Variants in SERINC5 observed in about 807,000 individuals in gnomAD.
SERINC5 encodes chromosome 5 open reading frame 12.
Under a neutral mutation model 63.1 loss-of-function variants are expected in SERINC5, and 41 were observed. The ratio of observed to expected loss-of-function variants is 0.65; its 90% CI spans 0.51 to 0.84. The LOEUF is 0.84. SERINC5 is among the 40% of genes least tolerant of loss of function. The pLI, the probability that SERINC5 is intolerant of heterozygous loss-of-function variation, is 0.00. For missense variants in SERINC5, 523 were observed against 573.0 expected (o/e 0.91, Z 0.89); for synonymous variants, 222 against 215.2 (o/e 1.03, Z -0.28).
At chr5:80,120,929 C>A (rs1358879288) in intron 11 of SERINC5, among the ~76,000 whole-genome samples, 1 of 151,958 alleles carries the variant, frequency 6.6e-6, no homozygotes, top group Non-Finnish European at 1.5e-5. Flanking sequence ...CTCTTGTTGT[C>A]CAGGCTGGAG....
At chr5:80,134,764 C>A (rs1485526657), downstream of SERINC5, among the ~76,000 whole-genome samples, 1 of 152,210 alleles carries the variant, frequency 6.6e-6, no homozygotes, top group African/African-American at 2.4e-5. Flanking sequence ...AATTGCTTCT[C>A]AAACCCTCAT....
At chr5:80,190,003 C>CACTCAA (rs1182291659) in intron 2 of SERINC5, among the ~76,000 whole-genome samples, 1 of 152,068 alleles carries the variant, frequency 6.6e-6, no homozygotes, top group African/African-American at 2.4e-5. Flanking sequence ...GGAGCCACCT[C>CACTCAA]ACTCAGCCAA....
At chr5:80,134,547 T>C (rs573044708), downstream of SERINC5, among the ~76,000 whole-genome samples, 56 of 152,302 alleles carry the variant, frequency 3.7e-4, no homozygotes, top group African/African-American at 1.3e-3. Flanking sequence ...GTAAGTTAAG[T>C]TCCTTCCAAA....
At chr5:80,170,985 G>A (rs993732032) in intron 5 of SERINC5, among the ~76,000 whole-genome samples, 1 of 152,136 alleles carries the variant, frequency 6.6e-6, no homozygotes, top group African/African-American at 2.4e-5. Flanking sequence ...TCCAGTTTGG[G>A]CAAGAGTAAG....
At position 80,202,978 on chromosome 5, in the gene SERINC5, T is replaced by C. The variant is rs750585834; in HGVS notation, c.103A>G (p.Thr35Ala). 4 of 1,613,396 alleles carry C rather than the reference T, an allele frequency of 2.5e-6. No homozygotes were observed. In the Admixed American group the frequency reaches 6.7e-5, roughly 27 times the overall value. The change falls in exon 2 of 12, where the codon ACC (threonine) becomes GCC (alanine). Residue 35 changes from threonine (T) to alanine (A), a missense_variant. Thr to Ala is a moderately conservative substitution (Grantham distance 58, BLOSUM62 0). Transcript: ENST00000507668. ...AAGTAGAGGGCGTACATGAAGCGGGTGCTGAGGGACTGCCGAATCCTGGGG... is the reference window on the plus strand; with the variant it reads ...AAGTAGAGGGCGTACATGAAGCGGGCGCTGAGGGACTGCCGAATCCTGGGG... The part of the protein sequence containing the change: ...CCPRIRQSLS[T>A]RFMYALYFIL...
chr5:80,253,184 TA>T (rs1333636571), intron 1 of SERINC5, among the ~76,000 whole-genome samples: 1 of 152,174 alleles, frequency 6.6e-6, no homozygotes, highest in Non-Finnish European at 1.5e-5. Flanking sequence ...CTCTGAAATA[TA>T]CCCAAAGCCA....
chr5:80,220,985 AGTG>A (rs1476201046), intron 1 of SERINC5, among the ~76,000 whole-genome samples: 1 of 152,022 alleles, frequency 6.6e-6, no homozygotes, highest in East Asian at 1.9e-4. Context: ...GCCCCCCAAG[AGTG>A]GAGGAAGCCC....
chr5:80,241,087 C>A (rs1047482804), intron 1 of SERINC5, among the ~76,000 whole-genome samples: 2 of 152,114 alleles, frequency 1.3e-5, no homozygotes, highest in Non-Finnish European at 2.9e-5. Context: ...GCCTACCTAG[C>A]GATTGGTTTC....
chr5:80,139,002 C>A lies in SERINC5; in HGVS notation c.*4661G>T. 4.1e-6 allele frequency: 4 copies of A among 981,880 alleles called. No individual in the cohort carries two copies. The highest frequency in any genetic ancestry group is 4.8e-6 in the Non-Finnish European group (4 of 826,826). 60.8% of individuals were successfully genotyped at this position (981,880 alleles called of 1,614,324 possible). On this transcript the variant is annotated 3_prime_UTR_variant, in exon 12 of 12. Coordinates refer to ENST00000507668, the MANE Select transcript of SERINC5 (RefSeq NM_001174072.3). ...TTCTAGAAAAATTAACATTAAAAAACAAATAGAAATCCATGACTAAAGGGG... is the reference window on the plus strand; with the variant it reads ...TTCTAGAAAAATTAACATTAAAAAAAAAATAGAAATCCATGACTAAAGGGG...
chr5:80,188,839 G>A (rs1304347085), intron 2 of SERINC5, among the ~76,000 whole-genome samples: 1 of 151,998 alleles, frequency 6.6e-6, no homozygotes, highest in Admixed American at 6.6e-5. Context: ...GAGGTGGGAG[G>A]ATCACTTCAG....
chr5:80,202,275 A>G (rs1242920706), intron 2 of SERINC5, among the ~76,000 whole-genome samples: 1 of 152,198 alleles, frequency 6.6e-6, no homozygotes, highest in African/African-American at 2.4e-5. Context: ...CAGCCATCCT[A>G]TGACAAGGGA....
rs565438285 is a variant in SERINC5 at position 80,158,960 on chromosome 5, G to C, written c.862C>G (p.Leu288Val). Reference sequence around the variant, plus strand: ...GTAACATTTTTCCCATGTTCATCTAGAACTTGAAAAGAAAAAACAAAGTCA... The same window carrying C: ...GTAACATTTTTCCCATGTTCATCTACAACTTGAAAAGAAAAAACAAAGTCA... ...ALSSKPAEVV[L>V]DEHGKNVTIC... Residue 288 changes from leucine (L) to valine (V), a missense_variant and splice_region_variant, in exon 8 of 12, where the codon CTA becomes GTA. Physicochemically the swap from Leu to Val is conservative, Grantham distance 32 (BLOSUM62 1). Coordinates refer to ENST00000507668, the MANE Select transcript of SERINC5 (RefSeq NM_001174072.3). The C allele has an allele frequency of 1.6e-4, 256 of 1,613,420 alleles. 3 individuals carry two copies. In the South Asian group the frequency reaches 2.0e-3, roughly 13 times the overall value.
At chr5:80,179,486 G>C (rs577385575) in intron 2 of SERINC5, among the ~76,000 whole-genome samples, 9 of 152,110 alleles carry the variant, frequency 5.9e-5, no homozygotes, top group African/African-American at 2.2e-4. Flanking sequence ...TTTTGTACTT[G>C]TTTTTTATTA....
chr5:80,137,253 G>C (rs1028355024), downstream of SERINC5, among the ~76,000 whole-genome samples: 11 of 151,224 alleles, frequency 7.3e-5, no homozygotes, highest in African/African-American at 2.7e-4. Flanking sequence ...AATGACATCA[G>C]TATGTCAAAG....
rs751889867 is a variant in SERINC5, at chr5:80,158,899, C to G, written c.923G>C (p.Arg308Thr). 2.2e-5 allele frequency: 36 copies of G among 1,613,506 alleles called. 1 individual carries two copies. In the South Asian group the frequency reaches 2.4e-4, roughly 11 times the overall value. ...CVPDFGQDLY[R>T]DENLVTILGT... ...CAGTATAGTCACCAAGTTTTCATCT[C>G]TGTACAGGTCTTGACCAAAGTCAGG... Residue 308 changes from arginine to threonine, a missense_variant, in exon 8 of 12, where the codon AGA (arginine) becomes ACA (threonine). Arg to Thr is a moderately conservative substitution (Grantham distance 71). Coordinates refer to ENST00000507668, the MANE Select transcript of SERINC5 (RefSeq NM_001174072.3).
chr5:80,113,406 C>T lies in SERINC5; in HGVS notation c.*29+166G>A, dbSNP rs142934517. On this transcript the variant is annotated intron_variant, in intron 12 of 12. Transcript: ENST00000509193. The stretch of plus-strand genomic sequence containing the variant: ...GAACATTTTTTTCTGAGTGGCATAG[C>T]CATTCATGTTTCTTCTGTGACGGGT... Among the ~76,000 whole-genome samples, 773 of 152,136 alleles carry T rather than the reference C, an allele frequency of 5.1e-3. 13 individuals carry two copies. Among genetic ancestry groups the T allele is most frequent in the African/African-American group, 2.7e-3 (114 of 41,514 alleles).
At chr5:80,234,978 T>C (rs1324205555) in intron 1 of SERINC5, among the ~76,000 whole-genome samples, 2 of 152,228 alleles carry the variant, frequency 1.3e-5, no homozygotes, top group Admixed American at 1.3e-4. Flanking sequence ...CACTTTTAAG[T>C]GTACAGTTCA....
intron 2 of SERINC5, among the ~76,000 whole-genome samples, chr5:80,202,368 C>T (rs1749892436): frequency 6.6e-6 from 1 of 152,132 alleles, no homozygotes; most frequent in South Asian, 2.1e-4. Context: ...ACACAATCGT[C>T]TGACATAAAC....
At chr5:80,216,800 C>T (rs985915425) in intron 1 of SERINC5, among the ~76,000 whole-genome samples, 13 of 151,892 alleles carry the variant, frequency 8.6e-5, no homozygotes, top group Non-Finnish European at 1.6e-4. Context: ...CGCTTGAGTC[C>T]AGGAGTTTGA....
Sources: gnomAD v4.1 joint callset for allele counts (sites outside exome capture counted in the v4.1 genomes callset) on GRCh38, gnomAD v4.1.1 for gene constraint, MANE v1.5 for transcripts, NCBI Gene and HGNC (gene_info 2026-07-23, HGNC 2026-07-21) for gene names.